Variants in PARVB observed in about 807,000 individuals in gnomAD.
PARVB encodes beta-parvin.
PARVB carries 46 observed loss-of-function variants against 47.0 expected under a neutral mutation model. The ratio of observed to expected loss-of-function variants is 0.98; its 90% CI spans 0.77 to 1.25. The LOEUF (loss-of-function observed/expected upper bound fraction) is 1.25. PARVB is among the 50% of genes most tolerant of loss of function. The probability of loss-of-function intolerance (pLI) is 0.00; values close to 1 mark genes in which losing one functional copy is unlikely to be tolerated. For missense variants in PARVB, 473 were observed against 471.6 expected (o/e 1.00, Z -0.03); for synonymous variants, 196 against 196.3 (o/e 1.00, Z 0.01).
Position 44,140,386 on chromosome 22 carries a change from C to T in PARVB, c.712+243C>T, listed in dbSNP as rs2053528179. The T allele has an allele frequency of 2.8e-6, 2 of 719,938 alleles. 1 individual carries two copies. Among genetic ancestry groups the T allele is most frequent in the South Asian group, 2.8e-5 (2 of 70,558 alleles). 44.6% of individuals were successfully genotyped at this position (719,938 alleles called of 1,614,324 possible). ...AGGAGTGGGGTGGAAGGCTGGGTGA[C>T]CAGCTAGGGGAGCAGGAGGGGCCTG... On this transcript the variant is annotated intron_variant, in intron 8 of 12. Coordinates refer to ENST00000338758, the MANE Select transcript of PARVB (RefSeq NM_013327.5).
chr22:44,101,324 G>A (rs1360079110), intron 3 of PARVB, among the ~76,000 whole-genome samples: 1 of 151,858 alleles, frequency 6.6e-6, no homozygotes, highest in Non-Finnish European at 1.5e-5. Context: ...CAGGAGAATG[G>A]CATGAACCCC....
At chr22:44,038,820 T>C (rs2050967171) in intron 1 of PARVB, among the ~76,000 whole-genome samples, 1 of 152,038 alleles carries the variant, frequency 6.6e-6, no homozygotes, top group Non-Finnish European at 1.5e-5. Context: ...CTGGACCTGG[T>C]CAAGCCATCG....
intron 1 of PARVB, among the ~76,000 whole-genome samples, chr22:44,078,622 A>G (rs1293290753): frequency 6.6e-6 from 1 of 152,200 alleles, no homozygotes; most frequent in Non-Finnish European, 1.5e-5. Context: ...CCCTCTTGCC[A>G]TGTGAAGTCA....
chr22:44,114,788 CTAAG>C (rs200482381), intron 3 of PARVB: 2 of 135,544 alleles, frequency 1.5e-5, no homozygotes, highest in East Asian at 2.4e-4. Context: ...TACATTGTTA[CTAAG>C]TAAGGCCCTG....
intron 2 of PARVB, among the ~76,000 whole-genome samples, chr22:44,016,286 C>G (rs566934470): frequency 1.3e-5 from 2 of 151,836 alleles, no homozygotes; most frequent in Admixed American, 6.6e-5. Flanking sequence ...TTAGTAGAGA[C>G]GGGGTTTCAC....
chr22:44,105,148 G>A (rs1189985065), intron 3 of PARVB: 1 of 152,256 alleles, frequency 6.6e-6, no homozygotes, highest in Non-Finnish European at 1.5e-5. Context: ...TTGCATGGGT[G>A]TGGCTGACTG....
At chr22:44,030,973 G>A (rs1347190598) in intron 1 of PARVB, among the ~76,000 whole-genome samples, 3 of 152,156 alleles carry the variant, frequency 2.0e-5, no homozygotes, top group Admixed American at 6.5e-5. Context: ...GAGGGACCAG[G>A]GCCATAGTCA....
chr22:44,053,232 C>T (rs1307630650), intron 1 of PARVB, among the ~76,000 whole-genome samples: 2 of 151,960 alleles, frequency 1.3e-5, no homozygotes, highest in Non-Finnish European at 2.9e-5. Context: ...TAGAGGCATA[C>T]ACCACCTCGC....
intron 3 of PARVB, chr22:44,112,512 G>C (rs1053861489): frequency 6.5e-6 from 1 of 152,738 alleles, no homozygotes; most frequent in African/African-American, 2.4e-5. Flanking sequence ...CACGCAGCTC[G>C]TCCTCACCCT....
At chr22:44,056,386 G>T (rs2051312402) in intron 1 of PARVB, among the ~76,000 whole-genome samples, 1 of 152,234 alleles carries the variant, frequency 6.6e-6, no homozygotes, top group South Asian at 2.1e-4. Flanking sequence ...ATGCAGCGTT[G>T]CCCGGGTTCG....
Position 44,169,048 on chromosome 22 carries a change from C to CA in PARVB, c.*371dup, listed in dbSNP as rs1353680957. On this transcript the variant is annotated 3_prime_UTR_variant, in exon 13 of 13. Coordinates refer to ENST00000338758, the MANE Select transcript of PARVB (RefSeq NM_013327.5). ...CCCCCAGCTGGTTGAGAGCACCCTG[C>CA]ATTCTGCCTCATGGTGCAGTTAGCG... 4.8e-6 allele frequency: 1 copy of CA among 206,404 alleles called. No homozygotes were observed. 12.8% of individuals were successfully genotyped at this position (206,404 alleles called of 1,614,324 possible). A position where few individuals can be genotyped will look rare whatever the true frequency, so the allele number is the denominator to read the frequency against.
chr22:44,064,117 T>A (rs1420630119), intron 1 of PARVB, among the ~76,000 whole-genome samples: 2 of 152,102 alleles, frequency 1.3e-5, no homozygotes, highest in Non-Finnish European at 2.9e-5. Flanking sequence ...GAGTGGAATA[T>A]CCTGCTCTGT....
Position 44,002,323 on chromosome 22 carries a change from G to C in PARVB, c.211+2650G>C, listed in dbSNP as rs564483127. ...TCCTCCCCAGGTGACTTGCAATAGAGTAATTGTGAGAATGCCCATAAGGGC... is the reference window on the plus strand; with the variant it reads ...TCCTCCCCAGGTGACTTGCAATAGACTAATTGTGAGAATGCCCATAAGGGC... On this transcript the variant is annotated intron_variant, in intron 2 of 13. Transcript: ENST00000406477. 2.6e-5 allele frequency among the ~76,000 whole-genome samples: 4 copies of C among 152,336 alleles called. No individual in the cohort carries two copies. The South Asian group carries it at 8.3e-4, about 32-fold the overall frequency.
Position 44,165,997 on chromosome 22 carries a change from AG to A in PARVB, c.1018+2068del, listed in dbSNP as rs1465372459. On this transcript the variant is annotated intron_variant, in intron 12 of 12. Coordinates refer to ENST00000338758, the MANE Select transcript of PARVB (RefSeq NM_013327.5). ...CTTCCTTTAGTTTCCTGTAGCCCAAAGCCTGGGCCCTATCTGCAGCATGGGG... is the reference window on the plus strand; with the variant it reads ...CTTCCTTTAGTTTCCTGTAGCCCAAACCTGGGCCCTATCTGCAGCATGGGG... 2.0e-5 allele frequency among the ~76,000 whole-genome samples: 3 copies of A among 152,332 alleles called. No individual in the cohort carries two copies. In the East Asian group the frequency reaches 5.8e-4, roughly 29 times the overall value.
chr22:44,034,315 T>TCTTTATACATATATATTTGAGATGGGG (rs1569064833), intron 1 of PARVB, among the ~76,000 whole-genome samples: 7 of 74,918 alleles, frequency 9.3e-5, no homozygotes, highest in African/African-American at 2.3e-4. Context: ...TTGAGATGGG[T>TCTTTATACATATATATTTGAGATGGGG]GTCTTTATAC....
Position 44,045,018 on chromosome 22 carries a change from T to A in PARVB, c.112+20567T>A, listed in dbSNP as rs999704944. ...CTTTGGGAGGCCGAGGCAGGAGGATTGCTTGAGCCCGGTGGTTTGAGACCA... is the reference window on the plus strand; with the variant it reads ...CTTTGGGAGGCCGAGGCAGGAGGATAGCTTGAGCCCGGTGGTTTGAGACCA... On this transcript the variant is annotated intron_variant, in intron 1 of 12. Coordinates refer to ENST00000338758, the MANE Select transcript of PARVB (RefSeq NM_013327.5). 2.0e-5 allele frequency among the ~76,000 whole-genome samples: 3 copies of A among 152,122 alleles called. No homozygotes were observed. In the East Asian group the frequency reaches 5.8e-4, roughly 29 times the overall value.
At chr22:44,044,264 C>A (rs745423666) in intron 1 of PARVB, among the ~76,000 whole-genome samples, 1 of 150,372 alleles carries the variant, frequency 6.7e-6, no homozygotes, top group African/African-American at 2.5e-5. Context: ...GATCTCGGCT[C>A]ACTGTAAGCT....
rs199977431 is a variant in PARVB at position 44,133,021 on chromosome 22, C to T, written c.633+12C>T. On this transcript the variant is annotated intron_variant, in intron 6 of 12. Transcript: ENST00000338758. ...TGGTGGTCGTGCGGGTGAGTATAAC[C>T]GAGTGGTCGGCCTGCCTGTAACTCC... 4,025 of 1,591,556 alleles carry T rather than the reference C, an allele frequency of 2.5e-3. 129 individuals carry two copies. In the South Asian group the frequency reaches 0.041, roughly 16 times the overall value.
intron 2 of PARVB, among the ~76,000 whole-genome samples, chr22:44,017,535 G>A (rs1481391782): frequency 6.6e-6 from 1 of 152,196 alleles, no homozygotes; most frequent in Non-Finnish European, 1.5e-5. Context: ...TGCTTGAAAT[G>A]TGGGGCCACT....
Sources: gnomAD v4.1 joint callset for allele counts (sites outside exome capture counted in the v4.1 genomes callset) on GRCh38, gnomAD v4.1.1 for gene constraint, MANE v1.5 for transcripts, NCBI Gene and HGNC (gene_info 2026-07-23, HGNC 2026-07-21) for gene names.